Variants in GALNT13 observed in about 807,000 individuals in gnomAD.
GALNT13 encodes UDP-GalNAc:polypeptide N-acetylgalactosaminyltransferase 13.
Under a neutral mutation model 64.2 loss-of-function variants are expected in GALNT13, and 28 were observed. The observed-to-expected ratio is 0.44, with a 90% CI of 0.32 to 0.60. GALNT13 has a LOEUF of 0.60. Among genes scored for constraint, GALNT13 ranks in the 20% least tolerant of loss-of-function variants. The pLI, the probability that GALNT13 is intolerant of heterozygous loss-of-function variation, is 0.05. For synonymous variants in GALNT13, 214 were observed against 224.6 expected, an observed-to-expected ratio of 0.95 and a Z score of 0.42; for missense variants, 577 against 669.8, an observed-to-expected ratio of 0.86 and a Z score of 1.53.
chr2:153,516,532 G>A, the GALNT13 span, among the ~76,000 whole-genome samples: 1 of 152,084 alleles, frequency 6.6e-6, no homozygotes, highest in Non-Finnish European at 1.5e-5. Flanking sequence ...CAAGTTAGGT[G>A]GTAGGAAGAG....
the GALNT13 span, among the ~76,000 whole-genome samples, chr2:153,851,768 T>A: frequency 2.0e-5 from 3 of 152,110 alleles, no homozygotes; most frequent in South Asian, 2.1e-4. Flanking sequence ...CCAGAATTTG[T>A]AAATATATAG....
chr2:153,352,514 G>A, the GALNT13 span, among the ~76,000 whole-genome samples: 1 of 151,968 alleles, frequency 6.6e-6, no homozygotes, highest in Non-Finnish European at 1.5e-5. Flanking sequence ...GTTATTCTAA[G>A]AATAATTGTC....
At chr2:154,037,617 C>T (rs1445495206) in intron 3 of GALNT13, among the ~76,000 whole-genome samples, 1 of 152,216 alleles carries the variant, frequency 6.6e-6, no homozygotes, top group Non-Finnish European at 1.5e-5. Flanking sequence ...CATAAAGACT[C>T]AACCAAGAAA....
At chr2:153,816,618 A>G in the GALNT13 span, among the ~76,000 whole-genome samples, 1 of 135,402 alleles carries the variant, frequency 7.4e-6, no homozygotes, top group African/African-American at 2.6e-5. Context: ...GATAGATTAG[A>G]TAGATATATT....
chr2:153,354,693 C>T, the GALNT13 span, among the ~76,000 whole-genome samples: 48 of 152,286 alleles, frequency 3.2e-4, 1 homozygote, highest in Middle Eastern at 6.8e-3. Context: ...GAAAATCAGA[C>T]CAACCCAGCA....
At chr2:153,068,685 G>T in the GALNT13 span, among the ~76,000 whole-genome samples, 9 of 152,184 alleles carry the variant, frequency 5.9e-5, no homozygotes, top group Middle Eastern at 3.4e-3. Flanking sequence ...ACTTCACCTT[G>T]GTGTGCTTGG....
At chr2:153,544,272 A>T in the GALNT13 span, among the ~76,000 whole-genome samples, 1 of 152,180 alleles carries the variant, frequency 6.6e-6, no homozygotes, top group African/African-American at 2.4e-5. Context: ...ATTATTAACA[A>T]TTTCCCTAAA....
At chr2:153,827,343 G>A in the GALNT13 span, among the ~76,000 whole-genome samples, 44,665 of 152,024 alleles carry the variant, frequency 0.29, 7,190 homozygotes, top group Middle Eastern at 0.42. Flanking sequence ...ATGGGTGGAG[G>A]CTGGGCACAG....
At chr2:154,256,114 T>C (rs1690358413) in intron 7 of GALNT13, among the ~76,000 whole-genome samples, 1 of 151,950 alleles carries the variant, frequency 6.6e-6, no homozygotes, top group Admixed American at 6.6e-5. Context: ...AGCAGGATTG[T>C]TAGCAGTTTG....
chr2:153,177,263 A>G, the GALNT13 span, among the ~76,000 whole-genome samples: 1 of 152,164 alleles, frequency 6.6e-6, no homozygotes, highest in Admixed American at 6.5e-5. Context: ...GGATAGATCC[A>G]TATGCCTATT....
chr2:154,196,551 C>A (rs1052318563), intron 4 of GALNT13, among the ~76,000 whole-genome samples: 1 of 152,076 alleles, frequency 6.6e-6, no homozygotes, highest in Non-Finnish European at 1.5e-5. Context: ...AAATAAAAAG[C>A]AAGCTGTAAC....
At chr2:153,111,271 A>G in the GALNT13 span, among the ~76,000 whole-genome samples, 6 of 152,146 alleles carry the variant, frequency 3.9e-5, no homozygotes, top group South Asian at 1.0e-3. Context: ...CTTTGATAAC[A>G]TAAAACAAAT....
chr2:154,221,842 A>C (rs1159697215), intron 4 of GALNT13, among the ~76,000 whole-genome samples: 1 of 152,050 alleles, frequency 6.6e-6, no homozygotes, highest in African/African-American at 2.4e-5. Context: ...CATTTGTTTT[A>C]CCGTTCATTA....
chr2:154,219,009 C>T (rs1688189137), intron 4 of GALNT13, among the ~76,000 whole-genome samples: 1 of 151,968 alleles, frequency 6.6e-6, no homozygotes, highest in Non-Finnish European at 1.5e-5. Context: ...TCTCTTATCT[C>T]TATTAATTAT....
intron 9 of GALNT13, among the ~76,000 whole-genome samples, chr2:154,363,914 ACTAT>A (rs1697218224): frequency 2.6e-5 from 4 of 152,312 alleles, no homozygotes; most frequent in African/African-American, 4.8e-5. Context: ...TTGAGATGAA[ACTAT>A]CTAGGGGGTC....
At chr2:154,306,672 G>A (rs889012598) in intron 9 of GALNT13, among the ~76,000 whole-genome samples, 2 of 150,676 alleles carry the variant, frequency 1.3e-5, no homozygotes, top group Admixed American at 1.3e-4. Context: ...GAAATCATAG[G>A]GTATTGAAGT....
intron 10 of GALNT13, among the ~76,000 whole-genome samples, chr2:154,408,017 C>T (rs184168278): frequency 6.6e-6 from 1 of 152,124 alleles, no homozygotes; most frequent in East Asian, 1.9e-4. Context: ...ATATATGTGT[C>T]CAATAATTCT....
chr2:153,392,143 C>T, the GALNT13 span, among the ~76,000 whole-genome samples: 1 of 149,134 alleles, frequency 6.7e-6, no homozygotes, highest in Non-Finnish European at 1.5e-5. Flanking sequence ...TAAATATATA[C>T]TACATTTTAT....
the GALNT13 span, among the ~76,000 whole-genome samples, chr2:153,353,971 T>C: frequency 5.9e-5 from 9 of 152,072 alleles, no homozygotes; most frequent in African/African-American, 2.2e-4. Flanking sequence ...TAGTAGAAAA[T>C]TGGTGTCATT....
Sources: gnomAD v4.1 joint callset for allele counts (sites outside exome capture counted in the v4.1 genomes callset) on GRCh38, gnomAD v4.1.1 for gene constraint, MANE v1.5 for transcripts, NCBI Gene and HGNC (gene_info 2026-07-23, HGNC 2026-07-21) for gene names.